Variants in CFAP90 observed in about 807,000 individuals in gnomAD.
CFAP90 encodes the protein cilia and flagella associated protein 90, also known as cilia- and flagella-associated protein 90.
chr5:7,847,990 A>C, the CFAP90 span, among the ~76,000 whole-genome samples: 2 of 152,218 alleles, frequency 1.3e-5, no homozygotes, highest in African/African-American at 4.8e-5. Flanking sequence ...TCAACATAAC[A>C]GCATAGAACA....
At chr5:7,842,169 C>T in the CFAP90 span, among the ~76,000 whole-genome samples, 1 of 152,014 alleles carries the variant, frequency 6.6e-6, no homozygotes, top group Non-Finnish European at 1.5e-5. Flanking sequence ...AGCACTCTTA[C>T]TCCCAGAAGT....
chr5:7,834,432 T>G, the CFAP90 span, among the ~76,000 whole-genome samples: 1 of 152,186 alleles, frequency 6.6e-6, no homozygotes, highest in South Asian at 2.1e-4. Flanking sequence ...TTAAAAAGTT[T>G]ATAAGGTTAA....
At chr5:7,847,538 G>A in the CFAP90 span, among the ~76,000 whole-genome samples, 4 of 152,190 alleles carry the variant, frequency 2.6e-5, no homozygotes, top group South Asian at 2.1e-4. Context: ...AGCTCTCTGC[G>A]GTAACCACAG....
the CFAP90 span, among the ~76,000 whole-genome samples, chr5:7,842,719 A>C: frequency 2.0e-5 from 3 of 152,264 alleles, no homozygotes; most frequent in African/African-American, 7.2e-5. Flanking sequence ...GAAAAAAATA[A>C]GCCTCTATGA....
At chr5:7,831,988 A>G in the CFAP90 span, 6 of 1,613,338 alleles carry the variant, frequency 3.7e-6, no homozygotes, top group East Asian at 4.5e-5. Context: ...TGCGCTTCCC[A>G]TAGACAGAAG....
the CFAP90 span, chr5:7,851,119 G>A: frequency 8.3e-3 from 10,080 of 1,211,342 alleles, 47 homozygotes; most frequent in South Asian, 0.012. Context: ...CAGCGCCAGC[G>A]TCTAGCCCGC....
At chr5:7,843,498 C>T in the CFAP90 span, among the ~76,000 whole-genome samples, 1 of 152,186 alleles carries the variant, frequency 6.6e-6, no homozygotes, top group Non-Finnish European at 1.5e-5. Context: ...ATTCCTCCCT[C>T]TGATCTTGTG....
chr5:7,836,828 G>C, the CFAP90 span, among the ~76,000 whole-genome samples: 1 of 152,110 alleles, frequency 6.6e-6, no homozygotes, highest in Admixed American at 6.6e-5. Context: ...GAACTTTAGA[G>C]ACCGACTTCA....
At chr5:7,840,799 G>A in the CFAP90 span, among the ~76,000 whole-genome samples, 1 of 152,100 alleles carries the variant, frequency 6.6e-6, no homozygotes, top group Non-Finnish European at 1.5e-5. Flanking sequence ...GTAGACCCCC[G>A]AGCTAATATG....
the CFAP90 span, among the ~76,000 whole-genome samples, chr5:7,847,815 T>C: frequency 6.6e-6 from 1 of 152,192 alleles, no homozygotes; most frequent in Non-Finnish European, 1.5e-5. Flanking sequence ...GAACTGTGCC[T>C]GCCAGGATCA....
chr5:7,850,798 AGCCGCCCAGCCG>A, the CFAP90 span: 1 of 232,114 alleles, frequency 4.3e-6, no homozygotes, highest in Non-Finnish European at 5.3e-6. Flanking sequence ...CCAGCCGCCC[AGCCGCCCAGCCG>A]CCCAGCCGCC....
chr5:7,833,205 A>G, the CFAP90 span, among the ~76,000 whole-genome samples: 1 of 152,204 alleles, frequency 6.6e-6, no homozygotes, highest in Admixed American at 6.5e-5. Flanking sequence ...TGGCACAAAA[A>G]GATAGAGGAG....
the CFAP90 span, among the ~76,000 whole-genome samples, chr5:7,845,869 C>T: frequency 5.9e-5 from 9 of 151,702 alleles, no homozygotes; most frequent in African/African-American, 2.2e-4. Context: ...GCCTTCAGTG[C>T]GTCCACTCTG....
the CFAP90 span, among the ~76,000 whole-genome samples, chr5:7,838,628 C>CG: frequency 6.6e-6 from 1 of 152,194 alleles, no homozygotes; most frequent in East Asian, 1.9e-4. Context: ...ACCCCACATA[C>CG]GCCCAATATT....
the CFAP90 span, chr5:7,835,583 T>A: frequency 1.3e-6 from 1 of 757,608 alleles, no homozygotes; most frequent in South Asian, 1.7e-5. Flanking sequence ...GCCAGTTCTT[T>A]CCCAAGGGAG....
the CFAP90 span, chr5:7,850,954 G>T: frequency 7.5e-7 from 1 of 1,335,900 alleles, no homozygotes; most frequent in South Asian, 2.5e-5. Flanking sequence ...GGACTGCGCC[G>T]AGACGGGCGG....
At chr5:7,845,725 T>A in the CFAP90 span, among the ~76,000 whole-genome samples, 1 of 152,090 alleles carries the variant, frequency 6.6e-6, no homozygotes, top group South Asian at 2.1e-4. Context: ...GAACCATATT[T>A]TATGGGCAAA....
chr5:7,842,327 C>A, the CFAP90 span, among the ~76,000 whole-genome samples: 10 of 143,292 alleles, frequency 7.0e-5, no homozygotes, highest in Admixed American at 1.4e-4. Context: ...AAAAAAAAAA[C>A]AACAGAAAAA....
chr5:7,848,835 C>A, the CFAP90 span, among the ~76,000 whole-genome samples: 1 of 152,162 alleles, frequency 6.6e-6, no homozygotes, highest in Non-Finnish European at 1.5e-5. Flanking sequence ...CTTCATGCTG[C>A]CACGTGAAGG....
Sources: gnomAD v4.1 joint callset for allele counts (sites outside exome capture counted in the v4.1 genomes callset) on GRCh38, gnomAD v4.1.1 for gene constraint, MANE v1.5 for transcripts, NCBI Gene and HGNC (gene_info 2026-07-23, HGNC 2026-07-21) for gene names.